VPS54: variants seen among roughly 807,000 people sequenced by gnomAD.
VPS54 encodes vacuolar protein sorting-associated protein 54.
In VPS54, 45 loss-of-function variants were observed where a neutral mutation model predicts 121.5. The observed-to-expected ratio is 0.37, with a 90% CI of 0.29 to 0.47. The LOEUF (loss-of-function observed/expected upper bound fraction) is 0.47, where lower values mean the gene tolerates loss of function less well. Ranked by LOEUF, VPS54 falls within the 20% of genes least tolerant of loss-of-function variation. VPS54 has a pLI of 0.99. For synonymous variants in VPS54, 371 were observed against 385.8 expected, an observed-to-expected ratio of 0.96 and a Z score of 0.45; for missense variants, 1,090 against 1,131.4, an observed-to-expected ratio of 0.96 and a Z score of 0.52.
At chr2:63,974,208 C>T (rs536247516) in intron 3 of VPS54, among the ~76,000 whole-genome samples, 19 of 152,320 alleles carry the variant, frequency 1.2e-4, no homozygotes, top group East Asian at 5.8e-4. Flanking sequence ...GTTCAAACAA[C>T]TATCCTTTCT....
At chr2:63,938,037 C>A (rs559873769) in intron 11 of VPS54, among the ~76,000 whole-genome samples, 11 of 97,776 alleles carry the variant, frequency 1.1e-4, no homozygotes, top group African/African-American at 4.3e-4. Flanking sequence ...AAAGTGGAAA[C>A]GTGTGTGTGT....
intron 12 of VPS54, among the ~76,000 whole-genome samples, chr2:63,922,724 T>C (rs1673702127): frequency 6.6e-6 from 1 of 152,172 alleles, no homozygotes; most frequent in Admixed American, 6.5e-5. Context: ...ATAAACAGTC[T>C]AGTAGTATTT....
intron 1 of VPS54, among the ~76,000 whole-genome samples, chr2:63,989,118 A>G (rs1677194710): frequency 6.6e-6 from 1 of 152,154 alleles, no homozygotes; most frequent in South Asian, 2.1e-4. Context: ...AGGATTAGGA[A>G]ATTCCTGCCT....
chr2:63,959,051 C>G (rs1378592692), intron 7 of VPS54, among the ~76,000 whole-genome samples: 1 of 152,174 alleles, frequency 6.6e-6, no homozygotes, highest in Non-Finnish European at 1.5e-5. Flanking sequence ...TAAGAGATCT[C>G]TAATACATAT....
chr2:63,893,228 C>T lies in VPS54; in HGVS notation c.*202G>A, dbSNP rs923213690. On this transcript the variant is annotated 3_prime_UTR_variant, in exon 23 of 23. Transcript: ENST00000272322. ...TATAGACACCTGATCAGTTACTCCT[C>T]ACTGTAGGATGCACAAAAATGACAT... 2.6e-5 allele frequency: 17 copies of T among 649,812 alleles called. No individual in the cohort carries two copies. Among genetic ancestry groups the T allele is most frequent in the Middle Eastern group, 2.5e-4 (1 of 4,050 alleles). 40.3% of individuals were successfully genotyped at this position (649,812 alleles called of 1,614,324 possible).
chr2:64,007,604 T>C (rs560091482), intron 1 of VPS54, among the ~76,000 whole-genome samples: 2 of 152,338 alleles, frequency 1.3e-5, no homozygotes, highest in East Asian at 1.9e-4. Flanking sequence ...AGAATCCTGC[T>C]TCCCTGAATT....
Position 63,947,442 on chromosome 2 carries a change from T to C in VPS54, c.1186A>G (p.Asn396Asp), listed in dbSNP as rs758008120. 3.2e-6 allele frequency: 5 copies of C among 1,551,502 alleles called. No individual in the cohort carries two copies. In the African/African-American group the frequency reaches 6.8e-5, roughly 21 times the overall value. The change falls in exon 9 of 23, where the codon AAT becomes GAT. Residue 396 changes from asparagine (N) to aspartate (D), a missense_variant. By Grantham distance (23) the Asn-to-Asp change is conservative (BLOSUM62 1). Coordinates refer to ENST00000272322, the MANE Select transcript of VPS54 (RefSeq NM_016516.3). ...TTTTCACCATAGATTTCTAAAAAAT[T>C]AAGCTTTCTTTGTTTTAAAAGTCCA... ...VFGLLKQRKL[N>D]FLEIYGEKMV... is the part of the protein sequence containing the mutation.
chr2:64,004,124 AAT>A (rs1678016111), intron 1 of VPS54, among the ~76,000 whole-genome samples: 1 of 152,190 alleles, frequency 6.6e-6, no homozygotes, highest in Non-Finnish European at 1.5e-5. Flanking sequence ...TTTTAAAAGT[AAT>A]AGAGTATAAC....
chr2:63,922,983 T>A (rs183149898), intron 12 of VPS54, among the ~76,000 whole-genome samples: 79 of 152,184 alleles, frequency 5.2e-4, no homozygotes, highest in African/African-American at 1.8e-3. Context: ...GTTAGTTTTT[T>A]AAAATAATTT....
chr2:63,904,655 C>T (rs1015418136), intron 20 of VPS54, among the ~76,000 whole-genome samples: 4 of 152,052 alleles, frequency 2.6e-5, no homozygotes, highest in African/African-American at 9.7e-5. Flanking sequence ...GACAGAAAAT[C>T]AGTAAGGACA....
intron 3 of VPS54, among the ~76,000 whole-genome samples, chr2:63,980,083 C>G (rs1270486826): frequency 6.6e-6 from 1 of 152,126 alleles, no homozygotes; most frequent in Non-Finnish European, 1.5e-5. Context: ...TTATGAATAG[C>G]TACTTTGCCA....
intron 12 of VPS54, among the ~76,000 whole-genome samples, chr2:63,923,722 CT>C (rs111610371): frequency 6.6e-6 from 1 of 152,184 alleles, no homozygotes; most frequent in African/African-American, 2.4e-5. Flanking sequence ...TTCCTATTTC[CT>C]GCCTAGAAAA....
intron 4 of VPS54, 141 bp from the exon 5 acceptor site, chr2:63,969,132 G>A (rs1676150193): frequency 1.5e-6 from 1 of 672,778 alleles, no homozygotes; most frequent in Non-Finnish European, 2.5e-6. Flanking sequence ...TATCTATCAA[G>A]CACCTATTAC....
chr2:63,942,216 C>T (rs1230221366), intron 11 of VPS54, among the ~76,000 whole-genome samples: 2 of 151,800 alleles, frequency 1.3e-5, no homozygotes, highest in South Asian at 2.1e-4. Context: ...GGAAATATTA[C>T]TGTATAATAT....
chr2:63,940,660 A>G (rs1038548066), intron 11 of VPS54, among the ~76,000 whole-genome samples: 4 of 152,216 alleles, frequency 2.6e-5, no homozygotes, highest in Non-Finnish European at 2.9e-5. Context: ...TAGCTTTGGT[A>G]TAAGTTGTTT....
intron 5 of VPS54, 142 bp downstream of exon 5, chr2:63,968,814 AG>A (rs1676133393): frequency 1.5e-6 from 1 of 672,326 alleles, no homozygotes; most frequent in South Asian, 1.7e-5. Flanking sequence ...GAAAGAAAGA[AG>A]AAAAGTGATG....
chr2:63,911,038 C>T (rs1034179806), intron 20 of VPS54, among the ~76,000 whole-genome samples: 1 of 152,106 alleles, frequency 6.6e-6, no homozygotes, highest in Non-Finnish European at 1.5e-5. Flanking sequence ...CAGCCTAGTT[C>T]CACTATTTAA....
At chr2:63,963,106 A>T (rs955242507) in intron 6 of VPS54, among the ~76,000 whole-genome samples, 55 of 152,094 alleles carry the variant, frequency 3.6e-4, no homozygotes, top group African/African-American at 1.3e-3. Context: ...TTCAGTCACA[A>T]ATTATAGATA....
chr2:63,955,724 C>T (rs1675465343), intron 7 of VPS54, among the ~76,000 whole-genome samples: 2 of 151,942 alleles, frequency 1.3e-5, no homozygotes, highest in Non-Finnish European at 2.9e-5. Flanking sequence ...TACACAAATC[C>T]TTAAATGCAA....
Sources: allele counts gnomAD v4.1 joint callset (sites outside exome capture counted in the v4.1 genomes callset), GRCh38; gene constraint gnomAD v4.1.1; transcripts MANE v1.5; gene names NCBI Gene and HGNC (gene_info 2026-07-23, HGNC 2026-07-21).